The following YIPF6 variants were observed in gnomAD, a reference collection of about 807,000 sequenced individuals.
YIPF6 encodes Yip1 domain family member 6.
A neutral mutation model predicts 16.8 loss-of-function variants in YIPF6; 3 were observed. That is an observed-to-expected ratio of 0.18 (90% CI 0.08 to 0.46). The LOEUF (loss-of-function observed/expected upper bound fraction) is 0.46. YIPF6 is among the 20% of genes least tolerant of loss of function. The pLI, the probability that YIPF6 is intolerant of heterozygous loss-of-function variation, is 0.98. For missense variants in YIPF6, 145 were observed against 184.9 expected, an observed-to-expected ratio of 0.78 and a Z score of 1.25; for synonymous variants, 67 against 61.9, an observed-to-expected ratio of 1.08 and a Z score of -0.38.
intron 6 of YIPF6, among the ~76,000 whole-genome samples, chrX:68,531,639 C>T (rs1236984000): frequency 8.9e-6 from 1 of 112,012 alleles, no homozygotes; most frequent in Non-Finnish European, 1.9e-5. Flanking sequence ...GGGTAAAAAA[C>T]TCCTTTTAGA....
chrX:68,526,680 T>A (rs1193659766), intron 6 of YIPF6, among the ~76,000 whole-genome samples: 1 of 111,975 alleles, frequency 8.9e-6, no homozygotes, highest in Non-Finnish European at 1.9e-5. Flanking sequence ...GTTTTTAGCA[T>A]GAAGCGGTGT....
chrX:68,535,244 T>C lies in YIPF6; in HGVS notation c.*3245T>C, dbSNP rs1433884660. 1.8e-5 allele frequency: 2 copies of C among 112,564 alleles called. No homozygotes were observed. The highest frequency in any genetic ancestry group is 6.5e-5 in the African/African-American group (2 of 31,005). 9.3% of individuals were successfully genotyped at this position (112,564 alleles called of 1,213,427 possible). On this transcript the variant is annotated 3_prime_UTR_variant, in exon 7 of 7. Coordinates refer to ENST00000462683, the MANE Select transcript of YIPF6 (RefSeq NM_173834.4). The stretch of plus-strand genomic sequence containing the variant: ...TTACTGTTTACTATATTTGTCTTTT[T>C]ATAAACAGTATCTCCCAAAATGTGA...
chrX:68,506,728 G>T (rs1015164515), intron 1 of YIPF6, among the ~76,000 whole-genome samples: 8 of 110,774 alleles, frequency 7.2e-5, no homozygotes, highest in African/African-American at 2.3e-4. Context: ...AAATAAATAA[G>T]AAATTTTTTT....
Position 68,499,121 on chromosome X carries a change from C to T in YIPF6, c.55C>T (p.Leu19=). Residue 19 remains leucine, a splice_region_variant and synonymous_variant, in exon 1 of 7, where the codon CTG becomes TTG. Coordinates refer to ENST00000462683, the MANE Select transcript of YIPF6 (RefSeq NM_173834.4). ...GDPGTASPRP[L]FAGLSDISIS... ...CCCGGGGACAGCATCGCCCAGGCCC[C>T]TGGTGAGCTTGGGATCTGCGACAAA... is the stretch of plus-strand genomic sequence containing the variant. 2 of 1,181,517 alleles carry T rather than the reference C, an allele frequency of 1.7e-6. No homozygotes were observed. Among genetic ancestry groups the T allele is most frequent in the Non-Finnish European group, 2.3e-6 (2 of 880,584 alleles).
intron 5 of YIPF6, 71 bp downstream of exon 5, chrX:68,521,568 C>T: frequency 9.3e-7 from 1 of 1,076,124 alleles, no homozygotes; most frequent in Non-Finnish European, 1.2e-6. Context: ...GGAATACAGG[C>T]TAGCTAGATT....
chrX:68,511,889 C>A lies in YIPF6; in HGVS notation c.98C>A (p.Pro33His). Reference sequence around the variant, plus strand: ...GATATATCCATCTCACAAGACATCCCCGTAGAAGGAGAAATCACCATTCCT... The same window carrying A: ...GATATATCCATCTCACAAGACATCCACGTAGAAGGAGAAATCACCATTCCT... ...LSDISISQDI[P>H]VEGEITIPMR... The change falls in exon 2 of 7, where the codon CCC becomes CAC. Residue 33 changes from proline (P) to histidine (H), a missense_variant. Physicochemically the swap from Pro to His is moderately conservative, Grantham distance 77 (BLOSUM62 -2). Transcript: ENST00000462683. 2 of 1,210,041 alleles carry A rather than the reference C, an allele frequency of 1.7e-6. No homozygotes were observed. Among genetic ancestry groups the A allele is most frequent in the Non-Finnish European group, 2.2e-6 (2 of 894,976 alleles).
At chrX:68,517,881 A>T (rs937997995) in intron 3 of YIPF6, among the ~76,000 whole-genome samples, 2 of 107,460 alleles carry the variant, frequency 1.9e-5, no homozygotes, top group East Asian at 5.9e-4. Context: ...TAGGAGGATC[A>T]CCTGAGCCTG....
chrX:68,532,364 G>A lies in YIPF6; in HGVS notation c.*365G>A, dbSNP rs928534746. On this transcript the variant is annotated 3_prime_UTR_variant, in exon 7 of 7. Transcript: ENST00000462683. Reference sequence around the variant, plus strand: ...TGAATAGAGTTGATAACTATTTTCAGTTTTGAGAATACCAGTTCAGGTGCA... The same window carrying A: ...TGAATAGAGTTGATAACTATTTTCAATTTTGAGAATACCAGTTCAGGTGCA... 5 of 123,180 alleles carry A rather than the reference G, an allele frequency of 4.1e-5. No homozygotes were observed. The East Asian group carries it at 1.2e-3, about 30-fold the overall frequency. The allele number at this position is 123,180 out of a possible 1,213,427, so 10.2% of individuals were successfully genotyped here. A position where few individuals can be genotyped will look rare whatever the true frequency, so the allele number is the denominator to read the frequency against.
At chrX:68,505,553 T>A (rs916456749) in intron 1 of YIPF6, among the ~76,000 whole-genome samples, 1 of 112,320 alleles carries the variant, frequency 8.9e-6, no homozygotes, top group Non-Finnish European at 1.9e-5. Flanking sequence ...AGAAGGCCAA[T>A]GCCAGATTAC....
chrX:68,519,825 G>A (rs2079118922), intron 4 of YIPF6, among the ~76,000 whole-genome samples: 1 of 111,779 alleles, frequency 8.9e-6, no homozygotes, highest in South Asian at 3.7e-4. Flanking sequence ...TATTTCTTAT[G>A]CTTTTAGTAA....
At chrX:68,503,533 T>C (rs764692202) in intron 1 of YIPF6, among the ~76,000 whole-genome samples, 11 of 112,053 alleles carry the variant, frequency 9.8e-5, no homozygotes, top group Non-Finnish European at 1.9e-4. Context: ...CCATAGTTCC[T>C]GACTCAGCTC....
intron 1 of YIPF6, among the ~76,000 whole-genome samples, chrX:68,507,750 C>T (rs953319597): frequency 3.6e-5 from 4 of 109,918 alleles, no homozygotes; most frequent in African/African-American, 1.3e-4. Context: ...TTACAGGCAC[C>T]TGCCACCATG....
intron 1 of YIPF6, among the ~76,000 whole-genome samples, chrX:68,508,006 G>T (rs185761218): frequency 3.0e-4 from 33 of 111,074 alleles, no homozygotes; most frequent in Non-Finnish European, 3.0e-4. Flanking sequence ...TTTGTGTCTA[G>T]GTTTGTGGAT....
At chrX:68,515,048 C>A (rs754857560) in intron 3 of YIPF6, 1 of 111,687 alleles carries the variant, frequency 9.0e-6, no homozygotes, top group Non-Finnish European at 1.9e-5. Flanking sequence ...TGGCCTTGGC[C>A]GGGCGCGGTG....
rs1468922419 is a variant in YIPF6 at position 68,536,615 on chromosome X, T to G, written c.*4616T>G. 9.0e-6 allele frequency: 1 copy of G among 111,288 alleles called. No homozygotes were observed. Among genetic ancestry groups the G allele is most frequent in the Non-Finnish European group, 1.9e-5 (1 of 53,039 alleles). 9.2% of individuals were successfully genotyped at this position (111,288 alleles called of 1,213,427 possible). On this transcript the variant is annotated 3_prime_UTR_variant, in exon 7 of 7. Transcript: ENST00000462683. The stretch of plus-strand genomic sequence containing the variant: ...AATACACCCTTCCCCCAAGGTATTT[T>G]CCCTATTGTTAGCCTTTGTACCCTA...
At chrX:68,526,693 A>G (rs772111933) in intron 6 of YIPF6, among the ~76,000 whole-genome samples, 104 of 111,767 alleles carry the variant, frequency 9.3e-4, no homozygotes, top group African/African-American at 3.2e-3. Context: ...AGCGGTGTTG[A>G]ATTTTATCAA....
Position 68,522,839 on chromosome X carries a change from C to T in YIPF6, c.514C>T (p.Leu172Phe). The T allele has an allele frequency of 8.3e-7, 1 of 1,211,094 alleles. No individual in the cohort carries two copies. The highest frequency in any genetic ancestry group is 1.1e-6 in the Non-Finnish European group (1 of 895,359). Reference protein sequence around the residue: ...TVAMLICRLVLLADPGPVNFM... With the variant: ...TVAMLICRLVFLADPGPVNFM... ...AGCAATGCTGATTTGCCGGCTGGTACTTTTGGCTGATCCAGGACCTGTAAA... is the reference window on the plus strand; with the variant it reads ...AGCAATGCTGATTTGCCGGCTGGTATTTTTGGCTGATCCAGGACCTGTAAA... The change falls in exon 6 of 7, where the codon CTT becomes TTT. Residue 172 changes from leucine to phenylalanine, a missense_variant. Physicochemically the swap from Leu to Phe is conservative, Grantham distance 22. Coordinates refer to ENST00000462683, the MANE Select transcript of YIPF6 (RefSeq NM_173834.4).
At chrX:68,528,220 C>T (rs1463817839) in intron 6 of YIPF6, among the ~76,000 whole-genome samples, 1 of 111,527 alleles carries the variant, frequency 9.0e-6, no homozygotes, top group Non-Finnish European at 1.9e-5. Flanking sequence ...TGCATTGATC[C>T]CTTTACCATT....
rs186821669 is a variant in YIPF6 at position 68,518,820 on chromosome X, C to T, written c.308+8C>T. On this transcript the variant is annotated splice_region_variant and intron_variant, in intron 4 of 6. Transcript: ENST00000462683. ...TTGTGTGACACTCGCATTGTAAGTA[C>T]TTGCATTTTCTTTCTTTGTCATTTG... The T allele has an allele frequency of 3.2e-5, 37 of 1,168,253 alleles. No homozygotes were observed. In the Admixed American group the frequency reaches 7.2e-4, roughly 23 times the overall value.
Sources: allele counts gnomAD v4.1 joint callset (sites outside exome capture counted in the v4.1 genomes callset), GRCh38; gene constraint gnomAD v4.1.1; transcripts MANE v1.5; gene names NCBI Gene and HGNC (gene_info 2026-07-23, HGNC 2026-07-21).